Variants in LIPI observed in about 807,000 individuals in gnomAD.
LIPI encodes lipase I.
A neutral mutation model predicts 50.6 loss-of-function variants in LIPI; 59 were observed. That is an observed-to-expected ratio of 1.16 (90% CI 0.94 to 1.45). The LOEUF is 1.45. Among genes scored for constraint, LIPI ranks in the 40% most tolerant of loss-of-function variants. The probability of loss-of-function intolerance (pLI) is 0.00; values close to 1 mark genes in which losing one functional copy is unlikely to be tolerated. For synonymous variants in LIPI, 203 were observed against 178.2 expected (o/e 1.14, Z -1.11); for missense variants, 586 against 536.3 (o/e 1.09, Z -0.92).
At chr21:14,123,341 A>G (rs1247678972) in intron 9 of LIPI, among the ~76,000 whole-genome samples, 1 of 152,186 alleles carries the variant, frequency 6.6e-6, no homozygotes, top group Non-Finnish European at 1.5e-5. Flanking sequence ...TCCAGCGCTG[A>G]ATCAGTTGTG....
chr21:14,110,822 A>T (rs2187062), intron 9 of LIPI, among the ~76,000 whole-genome samples: 1 of 150,850 alleles, frequency 6.6e-6, no homozygotes, highest in Non-Finnish European at 1.5e-5. Flanking sequence ...CTTCTTTATT[A>T]TGTCTGAATA....
At chr21:14,169,602 C>T (rs1366245462) in intron 4 of LIPI, among the ~76,000 whole-genome samples, 1 of 152,172 alleles carries the variant, frequency 6.6e-6, no homozygotes, top group African/African-American at 2.4e-5. Flanking sequence ...ACAATCTGCT[C>T]CTGAATGACT....
At position 14,154,312 on chromosome 21, in the gene LIPI, A is replaced by G. The variant is rs538769657; in HGVS notation, c.1007-1628T>C. Reference sequence around the variant, plus strand: ...AATGTGCTGAGCATATAAACTTTCAATATAGAATTCTGTCCTAAACTATCT... The same window carrying G: ...AATGTGCTGAGCATATAAACTTTCAGTATAGAATTCTGTCCTAAACTATCT... On this transcript the variant is annotated intron_variant, in intron 7 of 9. Coordinates refer to ENST00000681601, the MANE Select transcript of LIPI (RefSeq NM_001302998.2). Among the ~76,000 whole-genome samples, 63 of 152,246 alleles carry G rather than the reference A, an allele frequency of 4.1e-4. 1 individual carries two copies. In the South Asian group the frequency reaches 0.012, roughly 30 times the overall value.
chr21:14,207,066 G>A (rs555881797), intron 1 of LIPI: 1 of 663,248 alleles, frequency 1.5e-6, no homozygotes, highest in African/African-American at 1.8e-5. Flanking sequence ...TATGGCCACA[G>A]AGCCAGTTAA....
intron 4 of LIPI, among the ~76,000 whole-genome samples, chr21:14,175,587 T>C (rs1006478139): frequency 1.3e-5 from 2 of 152,192 alleles, no homozygotes; most frequent in Admixed American, 1.3e-4. Flanking sequence ...GAAATTTTTG[T>C]GTACTTTGGG....
intron 1 of LIPI, among the ~76,000 whole-genome samples, chr21:14,208,651 T>C (rs549560035): frequency 2.6e-5 from 4 of 152,278 alleles, no homozygotes; most frequent in African/African-American, 9.6e-5. Flanking sequence ...TTTACTTGTT[T>C]ATGCATTATC....
intron 8 of LIPI, among the ~76,000 whole-genome samples, chr21:14,146,998 C>T (rs1031003701): frequency 6.6e-6 from 1 of 151,948 alleles, no homozygotes; most frequent in Admixed American, 6.6e-5. Context: ...AGGCTGGCCT[C>T]GAACTCCTGA....
intron 5 of LIPI, 97 bp from the exon 6 acceptor site, chr21:14,165,487 A>G (rs2018649756): frequency 7.3e-6 from 6 of 817,784 alleles, no homozygotes; most frequent in Non-Finnish European, 1.2e-5. Context: ...GCTAAATACT[A>G]TGTACCTTAT....
chr21:14,198,690 C>T (rs1045781422), intron 1 of LIPI, among the ~76,000 whole-genome samples: 3 of 152,076 alleles, frequency 2.0e-5, no homozygotes, highest in African/African-American at 4.8e-5. Flanking sequence ...CAACAACCCA[C>T]TGATAATATG....
intron 4 of LIPI, among the ~76,000 whole-genome samples, chr21:14,173,001 C>G (rs1033758761): frequency 6.6e-6 from 1 of 152,064 alleles, no homozygotes. Flanking sequence ...CTATGGAGAA[C>G]AGTTAAGTAG....
chr21:14,206,969 T>C (rs773356939), intron 1 of LIPI: 1 of 1,280,954 alleles, frequency 7.8e-7, no homozygotes, highest in African/African-American at 1.5e-5. Context: ...TTTATTCATG[T>C]ATAATAAGAA....
chr21:14,208,230 C>T (rs2020276980), intron 1 of LIPI, among the ~76,000 whole-genome samples: 1 of 152,132 alleles, frequency 6.6e-6, no homozygotes, highest in Non-Finnish European at 1.5e-5. Flanking sequence ...ACTTCCTATA[C>T]CCTTATTACT....
At chr21:14,143,170 T>C (rs1389922332) in intron 9 of LIPI, among the ~76,000 whole-genome samples, 1 of 152,052 alleles carries the variant, frequency 6.6e-6, no homozygotes, top group East Asian at 1.9e-4. Context: ...AAAATAACAA[T>C]AATAATAACA....
chr21:14,133,741 CA>C (rs1025477294), intron 9 of LIPI, among the ~76,000 whole-genome samples: 10 of 151,944 alleles, frequency 6.6e-5, no homozygotes, highest in Admixed American at 6.6e-5. Context: ...AAGACTCCAC[CA>C]AAAAAACTCT....
intron 1 of LIPI, among the ~76,000 whole-genome samples, chr21:14,190,258 A>G (rs1434371491): frequency 6.6e-6 from 1 of 152,166 alleles, no homozygotes; most frequent in Admixed American, 6.5e-5. Flanking sequence ...TTGCTAGACA[A>G]TGAAATGATG....
chr21:14,167,118 G>T (rs1444147753), intron 4 of LIPI, among the ~76,000 whole-genome samples: 1 of 152,184 alleles, frequency 6.6e-6, no homozygotes, highest in Non-Finnish European at 1.5e-5. Context: ...GGCTAGCACA[G>T]CAGTCTGAGA....
chr21:14,122,512 C>T (rs569383776), intron 9 of LIPI, among the ~76,000 whole-genome samples: 4 of 152,300 alleles, frequency 2.6e-5, no homozygotes, highest in African/African-American at 9.6e-5. Context: ...TCAGGCTGCA[C>T]ACCTCAGCAA....
chr21:14,119,563 C>A (rs568841625), intron 9 of LIPI, among the ~76,000 whole-genome samples: 1 of 152,132 alleles, frequency 6.6e-6, no homozygotes, highest in Non-Finnish European at 1.5e-5. Context: ...CCTAGCAAAA[C>A]CTTTATATGA....
intron 1 of LIPI, among the ~76,000 whole-genome samples, chr21:14,204,479 C>T (rs180976865): frequency 4.7e-4 from 71 of 151,918 alleles, no homozygotes; most frequent in Non-Finnish European, 6.9e-4. Flanking sequence ...TTTATATGTG[C>T]AGTGCAATTC....
Sources: allele counts gnomAD v4.1 joint callset (sites outside exome capture counted in the v4.1 genomes callset), GRCh38; gene constraint gnomAD v4.1.1; transcripts MANE v1.5; gene names NCBI Gene and HGNC (gene_info 2026-07-23, HGNC 2026-07-21).